The following MEIKIN variants were observed in gnomAD, a reference collection of about 807,000 sequenced individuals.
The protein encoded by MEIKIN is meiotic kinetochore factor, also known as meiosis-specific kinetochore protein.
chr5:131,855,952 T>C (rs1298033750), intron 9 of MEIKIN, among the ~76,000 whole-genome samples: 1 of 152,210 alleles, frequency 6.6e-6, no homozygotes, highest in African/African-American at 2.4e-5. Context: ...GAAGCAACCA[T>C]ATCCTTCTGA....
intron 9 of MEIKIN, among the ~76,000 whole-genome samples, chr5:131,861,362 T>C (rs1429909112): frequency 6.6e-6 from 1 of 151,976 alleles, no homozygotes; most frequent in African/African-American, 2.4e-5. Context: ...CACTCCAACC[T>C]GGGCAACAGA....
intron 11 of MEIKIN, among the ~76,000 whole-genome samples, chr5:131,821,967 G>A (rs1324154723): frequency 6.6e-6 from 1 of 152,028 alleles, no homozygotes; most frequent in Non-Finnish European, 1.5e-5. Flanking sequence ...ATATCTGGGT[G>A]CTCCAGTGTT....
intron 6 of MEIKIN, among the ~76,000 whole-genome samples, chr5:131,920,348 A>G (rs1206594876): frequency 6.6e-6 from 1 of 152,200 alleles, no homozygotes; most frequent in Non-Finnish European, 1.5e-5. Flanking sequence ...AGAACAGAAT[A>G]AAAAATCACC....
rs529137831 is a variant in MEIKIN at position 131,835,910 on chromosome 5, AC to A, written c.975+15353del. Among the ~76,000 whole-genome samples the A allele has an allele frequency of 1.6e-3, 250 of 152,080 alleles. 1 individual carries two copies. Among genetic ancestry groups the A allele is most frequent in the African/African-American group, 5.2e-3 (215 of 41,504 alleles). On this transcript the variant is annotated intron_variant, in intron 11 of 12. Coordinates refer to ENST00000442687, the MANE Select transcript of MEIKIN (RefSeq NM_001303622.2). ...GCCCAGCCATGTCTGTCTTTTTTTA[AC>A]TTTTAAGTTCAGGAGTACAGGTAGA...
At chr5:131,839,082 T>C (rs1029606991) in intron 11 of MEIKIN, among the ~76,000 whole-genome samples, 7 of 152,250 alleles carry the variant, frequency 4.6e-5, no homozygotes, top group Non-Finnish European at 1.0e-4. Flanking sequence ...AAAGAACTTC[T>C]TGATTTCTGC....
chr5:131,898,340 C>T (rs1751089672), intron 8 of MEIKIN, among the ~76,000 whole-genome samples: 1 of 152,100 alleles, frequency 6.6e-6, no homozygotes, highest in South Asian at 2.1e-4. Flanking sequence ...GTCTATTGGC[C>T]CCTACTAGAA....
Position 131,863,557 on chromosome 5 carries a change from C to CTTTTTTTTTTTTTTTTTTTTT in MEIKIN, c.775-8744_775-8724dup, listed in dbSNP as rs59435888. 5.6e-4 allele frequency among the ~76,000 whole-genome samples: 38 copies of CTTTTTTTTTTTTTTTTTTTTT among 68,428 alleles called. 2 individuals carry two copies. The highest frequency in any genetic ancestry group is 7.8e-4 in the African/African-American group (10 of 12,852). The allele number at this position is 68,428 out of a possible 152,430, so 44.9% of individuals were successfully genotyped here. A position where few individuals can be genotyped will look rare whatever the true frequency, so the allele number is the denominator to read the frequency against. On this transcript the variant is annotated intron_variant, in intron 9 of 12. Transcript: ENST00000442687. ...TCATTATATAATGACCTTCTTTGTC[C>CTTTTTTTTTTTTTTTTTTTTT]TTTTTTTTTTTTTTTTTTTTTTTTT...
chr5:131,873,485 C>T (rs1053468411), intron 9 of MEIKIN, among the ~76,000 whole-genome samples: 1 of 152,054 alleles, frequency 6.6e-6, no homozygotes, highest in African/African-American at 2.4e-5. Context: ...ATAGGAGCAC[C>T]CAGATTCATA....
intron 11 of MEIKIN, among the ~76,000 whole-genome samples, chr5:131,842,074 A>C (rs1749925294): frequency 6.6e-6 from 1 of 151,808 alleles, no homozygotes; most frequent in Non-Finnish European, 1.5e-5. Flanking sequence ...ATCTTGGCTC[A>C]CTGCAACCTC....
At chr5:131,807,376 C>T in intron 12 of MEIKIN, 118 bp from the exon 13 acceptor site, 4 of 394,618 alleles carry the variant, frequency 1.0e-5, no homozygotes, top group Non-Finnish European at 1.8e-5. Context: ...AGTTTCAGCC[C>T]ATCAAGCCTT....
chr5:131,898,331 T>C (rs1176137347), intron 8 of MEIKIN, among the ~76,000 whole-genome samples: 1 of 152,146 alleles, frequency 6.6e-6, no homozygotes, highest in African/African-American at 2.4e-5. Context: ...ATATGAGGTG[T>C]CTATTGGCCC....
intron 8 of MEIKIN, among the ~76,000 whole-genome samples, chr5:131,889,782 C>T (rs1328162658): frequency 6.6e-6 from 1 of 152,192 alleles, no homozygotes; most frequent in Non-Finnish European, 1.5e-5. Flanking sequence ...GCATCTTTGG[C>T]TTGTGCCAGT....
At chr5:131,811,365 T>A (rs1214800860) in intron 12 of MEIKIN, among the ~76,000 whole-genome samples, 1 of 152,020 alleles carries the variant, frequency 6.6e-6, no homozygotes, top group Non-Finnish European at 1.5e-5. Context: ...TTTTTAATTT[T>A]TTATTTTTGA....
chr5:131,902,083 C>T (rs1751167893), intron 8 of MEIKIN, among the ~76,000 whole-genome samples: 1 of 152,180 alleles, frequency 6.6e-6, no homozygotes, highest in Admixed American at 6.5e-5. Flanking sequence ...TCTCTCTTCT[C>T]CTGCTCCAGC....
chr5:131,898,426 C>A (rs566286949), intron 8 of MEIKIN, among the ~76,000 whole-genome samples: 2 of 152,330 alleles, frequency 1.3e-5, no homozygotes, highest in Admixed American at 6.5e-5. Flanking sequence ...AGAGCTCAAA[C>A]GCTGTGCTGG....
chr5:131,915,579 G>T (rs184161270), intron 7 of MEIKIN, among the ~76,000 whole-genome samples: 7 of 152,198 alleles, frequency 4.6e-5, no homozygotes, highest in Admixed American at 3.3e-4. Context: ...AGAAAAACAG[G>T]CATATACTGA....
intron 9 of MEIKIN, among the ~76,000 whole-genome samples, chr5:131,859,636 C>T (rs1750249489): frequency 6.6e-6 from 1 of 152,180 alleles, no homozygotes; most frequent in East Asian, 1.9e-4. Context: ...GTTTCCTGTA[C>T]AAGCTGCAGA....
At chr5:131,926,295 G>T (rs189145328) in intron 5 of MEIKIN, among the ~76,000 whole-genome samples, 1 of 152,076 alleles carries the variant, frequency 6.6e-6, no homozygotes, top group East Asian at 1.9e-4. Flanking sequence ...TGAAATTATC[G>T]TGTAATTGTT....
chr5:131,916,702 T>C (rs1751420039), intron 7 of MEIKIN, among the ~76,000 whole-genome samples, 184 bp downstream of exon 7: 1 of 152,234 alleles, frequency 6.6e-6, no homozygotes, highest in African/African-American at 2.4e-5. Context: ...GGCAGAGATT[T>C]CGTTTTTAAT....
Sources: allele counts gnomAD v4.1 joint callset (sites outside exome capture counted in the v4.1 genomes callset), GRCh38; gene constraint gnomAD v4.1.1; transcripts MANE v1.5; gene names NCBI Gene and HGNC (gene_info 2026-07-23, HGNC 2026-07-21).